Variants in CFHR4 observed in about 807,000 individuals in gnomAD.
CFHR4 encodes complement factor H related 4, also known as complement factor H-related protein 4.
CFHR4 carries 64 observed loss-of-function variants against 69.3 expected under a neutral mutation model. The ratio of observed to expected loss-of-function variants is 0.92; its 90% CI spans 0.76 to 1.14. The LOEUF is 1.14. CFHR4 is among the 50% of genes most tolerant of loss of function. CFHR4 has a pLI of 0.00. For missense variants in CFHR4, 636 were observed against 684.9 expected (o/e 0.93, Z 0.80); for synonymous variants, 244 against 237.0 (o/e 1.03, Z -0.27).
rs763161353 is a variant in CFHR4 at position 196,905,154 on chromosome 1, T to C, written c.303T>C (p.Ser101=). ...SDVEIENGFI[S]ESSSIYILNE... ...TAGAAATTGAAAATGGATTCATTTC[T>C]GAATCTTCCTCTATTTATATTTTAA... Residue 101 remains serine (S), a synonymous_variant, in exon 3 of 10, where the codon TCT becomes TCC. Transcript: ENST00000608469. 31 of 1,606,734 alleles carry C rather than the reference T, an allele frequency of 1.9e-5. No homozygotes were observed. The highest frequency in any genetic ancestry group is 2.5e-5 in the Non-Finnish European group (30 of 1,176,972).
At chr1:196,915,715 A>T (rs1440528466) in intron 9 of CFHR4, among the ~76,000 whole-genome samples, 1 of 151,630 alleles carries the variant, frequency 6.6e-6, no homozygotes, top group Non-Finnish European at 1.5e-5. Flanking sequence ...AGAAAAAACC[A>T]AGAATGTTCA....
chr1:196,907,286 T>G, intron 4 of CFHR4, 30 bp from the exon 5 acceptor site: 6 of 1,576,824 alleles, frequency 3.8e-6, no homozygotes, highest in Non-Finnish European at 5.2e-6. Context: ...AACTGTTGAT[T>G]TTTCCCCAAT....
At position 196,888,194 on chromosome 1, in the gene CFHR4, G is replaced by T. The variant is rs373860833; in HGVS notation, c.44G>T (p.Cys15Phe). ...INVILTLWVS[C>F]ANGQEVKPCD... ...GTCATTCTGACCTTGTGGGTTTCCT[G>T]TGCTAATGGACAAGGTAAGTTGAAA... is the stretch of plus-strand genomic sequence containing the variant. The change falls in exon 1 of 10, where the codon TGT becomes TTT. Residue 15 changes from cysteine to phenylalanine, a missense_variant. Physicochemically the swap from Cys to Phe is radical, Grantham distance 205. Coordinates refer to ENST00000608469, the MANE Select transcript of CFHR4 (RefSeq NM_001201550.3). 3.7e-6 allele frequency: 6 copies of T among 1,611,044 alleles called. No homozygotes were observed. The African/African-American group carries it at 5.4e-5, about 14-fold the overall frequency.
chr1:196,908,136 C>T (rs192714460), intron 5 of CFHR4, among the ~76,000 whole-genome samples: 32 of 151,342 alleles, frequency 2.1e-4, no homozygotes, highest in Non-Finnish European at 4.3e-4. Flanking sequence ...GGGAGGGGAA[C>T]ATCACACACC....
chr1:196,902,601 C>A lies in CFHR4; in HGVS notation c.242C>A (p.Thr81Lys), dbSNP rs199505584. ...TGCACACAAGATGGTTGGTCACCAA[C>A]GGTCCCATGCCTCAGTAAGTAAACC... ...IHCTQDGWSPTVPCLRTCSKS... is the reference protein window; with the variant it reads ...IHCTQDGWSPKVPCLRTCSKS... Residue 81 changes from threonine to lysine, a missense_variant, in exon 2 of 10, where the codon ACG becomes AAG. Physicochemically the swap from Thr to Lys is moderately conservative, Grantham distance 78. Around this residue, in one of 3 missense-constraint regions of CFHR4, gnomAD observed 529 missense variants for 533.2 expected, o/e 0.99. Coordinates refer to ENST00000608469, the MANE Select transcript of CFHR4 (RefSeq NM_001201550.3). The A allele has an allele frequency of 4.3e-6, 7 of 1,609,994 alleles. No individual in the cohort carries two copies. The highest frequency in any genetic ancestry group is 5.9e-6 in the Non-Finnish European group (7 of 1,177,390).
At chr1:196,905,935 T>C (rs1231242351) in intron 3 of CFHR4, among the ~76,000 whole-genome samples, 4 of 151,586 alleles carry the variant, frequency 2.6e-5, no homozygotes, top group African/African-American at 7.3e-5. Context: ...AATTATTTAT[T>C]AATAAAGAGA....
chr1:196,906,721 G>C lies in CFHR4; in HGVS notation c.440-140G>C, dbSNP rs150776437. The C allele has an allele frequency of 4.4e-4, 364 of 829,732 alleles. 12 individuals are homozygous for C. In the African/African-American group the frequency reaches 5.8e-3, roughly 13 times the overall value. 51.4% of individuals were successfully genotyped at this position (829,732 alleles called of 1,614,324 possible). ...ACTGTTATAGCACAAAAAAAACACT[G>C]ATTGTCGGACTATTTTTAATAGTAC... On this transcript the variant is annotated intron_variant, in intron 3 of 9. Transcript: ENST00000608469.
At chr1:196,906,758 G>A (rs1657926422) in intron 3 of CFHR4, 103 bp from the exon 4 acceptor site, 2 of 1,222,090 alleles carry the variant, frequency 1.6e-6, no homozygotes, top group Admixed American at 5.9e-5. Context: ...CAATTTATTA[G>A]CACACACTGA....
At position 196,914,626 on chromosome 1, in the gene CFHR4, A is replaced by G. The variant is rs768133590; in HGVS notation, c.1312A>G (p.Ile438Val). The change falls in exon 8 of 10, where the codon ATA becomes GTA. Residue 438 changes from isoleucine (I) to valine (V), a missense_variant. Transcript: ENST00000608469. The part of the protein sequence containing the change: ...EISYGNTTGS[I>V]VCGEDGWSHF... Reference sequence around the variant, plus strand: ...CAGTTATGGAAACACCACAGGTTCCATAGTGTGTGGTGAAGATGGGTGGTC... The same window carrying G: ...CAGTTATGGAAACACCACAGGTTCCGTAGTGTGTGGTGAAGATGGGTGGTC... The G allele has an allele frequency of 3.7e-6, 6 of 1,611,076 alleles. No individual in the cohort carries two copies. The highest frequency in any genetic ancestry group is 3.3e-5 in the South Asian group (3 of 90,602).
intron 1 of CFHR4, among the ~76,000 whole-genome samples, chr1:196,901,991 C>T (rs752419964): frequency 2.6e-5 from 4 of 151,422 alleles, no homozygotes; most frequent in South Asian, 2.1e-4. Context: ...GTAGTTTTTA[C>T]ATTCCTTCCA....
intron 9 of CFHR4, among the ~76,000 whole-genome samples, chr1:196,916,221 A>G (rs2478006): frequency 4.0e-5 from 6 of 151,250 alleles, no homozygotes; most frequent in Admixed American, 6.6e-5. Flanking sequence ...AAGCCACAAT[A>G]ATTATGGCAA....
intron 7 of CFHR4, among the ~76,000 whole-genome samples, chr1:196,913,493 C>G (rs1162518959): frequency 3.3e-5 from 5 of 151,512 alleles, no homozygotes; most frequent in African/African-American, 1.2e-4. Context: ...TGAATGTTTA[C>G]AAACCTCCTA....
intron 1 of CFHR4, among the ~76,000 whole-genome samples, chr1:196,898,386 A>G (rs1657421401): frequency 6.6e-6 from 1 of 151,648 alleles, no homozygotes; most frequent in African/African-American, 2.4e-5. Context: ...AAGGGGAGAC[A>G]ATAAATTTCA....
At chr1:196,907,112 A>G (rs1428407066) in intron 4 of CFHR4, 75 bp downstream of exon 4, 2 of 1,353,714 alleles carry the variant, frequency 1.5e-6, no homozygotes, top group Non-Finnish European at 2.1e-6. Context: ...ATGTACACAT[A>G]TGTGTATGAA....
At chr1:196,908,404 T>C (rs1285476200) in intron 5 of CFHR4, among the ~76,000 whole-genome samples, 1 of 151,508 alleles carries the variant, frequency 6.6e-6, no homozygotes, top group Non-Finnish European at 1.5e-5. Flanking sequence ...CTTTCTCTGA[T>C]TATTGTTTTT....
rs374426095 is a variant in CFHR4 at position 196,914,587 on chromosome 1, G to A, written c.1273G>A (p.Asp425Asn). 3.7e-5 allele frequency: 59 copies of A among 1,611,722 alleles called. No individual in the cohort carries two copies. In the South Asian group the frequency reaches 4.8e-4, roughly 13 times the overall value. Residue 425 changes from aspartate to asparagine, a missense_variant, in exon 8 of 10, where the codon GAT becomes AAT. By Grantham distance (23) the Asp-to-Asn change is conservative. Around this residue, in one of 3 missense-constraint regions of CFHR4, gnomAD observed 529 missense variants for 533.2 expected, o/e 0.99. Coordinates refer to ENST00000608469, the MANE Select transcript of CFHR4 (RefSeq NM_001201550.3). ...TGACACATTGGACTACGAATGCTAC[G>A]ATGGATATGAAATCAGTTATGGAAA... The part of the protein sequence containing the change: ...LHDTLDYECY[D>N]GYEISYGNTT...
In CFHR4 at chr1:196,902,467, T is replaced by C. The variant is rs1657669382; in HGVS notation, c.108T>C (p.Tyr36=). 2 of 1,612,144 alleles carry C rather than the reference T, an allele frequency of 1.2e-6. No individual in the cohort carries two copies. Residue 36 remains tyrosine, a synonymous_variant, in exon 2 of 10, where the codon TAT becomes TAC. Transcript: ENST00000608469. ...AAATTCAACATGGAGGTCTATATTATAAGAGTTTGCGTAGACTATACTTTC... is the reference window on the plus strand; with the variant it reads ...AAATTCAACATGGAGGTCTATATTACAAGAGTTTGCGTAGACTATACTTTC... ...FPEIQHGGLY[Y]KSLRRLYFPA...
At chr1:196,905,678 A>G (rs1278376463) in intron 3 of CFHR4, among the ~76,000 whole-genome samples, 2 of 151,526 alleles carry the variant, frequency 1.3e-5, no homozygotes, top group East Asian at 1.9e-4. Flanking sequence ...CTTAAGATGT[A>G]CATGTTAGGG....
chr1:196,915,167 A>G lies in CFHR4; in HGVS notation c.1540+29A>G, dbSNP rs776300989. The G allele has an allele frequency of 2.5e-6, 4 of 1,594,300 alleles. No individual in the cohort carries two copies. In the Admixed American group the frequency reaches 5.0e-5, roughly 20 times the overall value. Reference sequence around the variant, plus strand: ...AGTTCTTAAAATTCTAGATCCTGAGAAAATCAGAGTAATAAGTTTGATATT... The same window carrying G: ...AGTTCTTAAAATTCTAGATCCTGAGGAAATCAGAGTAATAAGTTTGATATT... On this transcript the variant is annotated intron_variant, in intron 9 of 9. Transcript: ENST00000608469.
Sources: allele counts gnomAD v4.1 joint callset (sites outside exome capture counted in the v4.1 genomes callset), GRCh38; gene constraint gnomAD v4.1.1; regional missense constraint gnomAD v4.1.1; transcripts MANE v1.5; gene names NCBI Gene and HGNC (gene_info 2026-07-23, HGNC 2026-07-21).